Variants in CDK14 observed in about 807,000 individuals in gnomAD.
The protein encoded by CDK14 is cyclin dependent kinase 14.
CDK14 carries 34 observed loss-of-function variants against 60.7 expected under a neutral mutation model. That is an observed-to-expected ratio of 0.56 (90% confidence interval 0.43 to 0.75). The LOEUF is 0.75. Among genes scored for constraint, CDK14 ranks in the 30% least tolerant of loss-of-function variants. The pLI is 0.00. For missense variants in CDK14, 482 were observed against 564.1 expected (o/e 0.85, Z 1.47); for synonymous variants, 197 against 203.7 (o/e 0.97, Z 0.28).
At chr7:90,930,392 T>G (rs933084064) in intron 8 of CDK14, among the ~76,000 whole-genome samples, 2 of 152,184 alleles carry the variant, frequency 1.3e-5, no homozygotes, top group Admixed American at 6.5e-5. Flanking sequence ...TGGCTATAGA[T>G]AGCAAAGGGA....
chr7:90,820,859 C>T (rs1274755711), intron 5 of CDK14, among the ~76,000 whole-genome samples: 1 of 152,176 alleles, frequency 6.6e-6, no homozygotes, highest in African/African-American at 2.4e-5. Flanking sequence ...TGCTCCAGAC[C>T]ACGTATCCCA....
At chr7:90,772,848 T>C (rs566487214) in intron 4 of CDK14, among the ~76,000 whole-genome samples, 24 of 152,300 alleles carry the variant, frequency 1.6e-4, no homozygotes, top group African/African-American at 5.1e-4. Flanking sequence ...GCGAAATAGA[T>C]GACCAATTAT....
intron 5 of CDK14, among the ~76,000 whole-genome samples, chr7:90,853,351 A>C (rs1387436090): frequency 6.6e-6 from 1 of 152,092 alleles, no homozygotes; most frequent in African/African-American, 2.4e-5. Context: ...CAAGACTATC[A>C]CTTTCAGTAG....
chr7:90,786,255 C>T (rs6962402), intron 4 of CDK14, among the ~76,000 whole-genome samples: 66,151 of 152,004 alleles, frequency 0.44, 15,197 homozygotes, highest in East Asian at 0.82. Context: ...AATATTAGCA[C>T]AATTTAGAGC....
intron 5 of CDK14, among the ~76,000 whole-genome samples, chr7:90,852,259 A>T (rs1021663999): frequency 1.3e-5 from 2 of 152,152 alleles, no homozygotes; most frequent in Admixed American, 1.3e-4. Context: ...GAGATTTAGG[A>T]TGTCTTTATT....
At chr7:90,713,253 A>G (rs1802128661) in intron 2 of CDK14, among the ~76,000 whole-genome samples, 1 of 152,028 alleles carries the variant, frequency 6.6e-6, no homozygotes, top group Non-Finnish European at 1.5e-5. Flanking sequence ...AGTGCTGTTC[A>G]TTTATTTTCT....
chr7:90,639,976 C>T lies in CDK14; in HGVS notation c.123+35727C>T, dbSNP rs111442726. Among the ~76,000 whole-genome samples, 38 of 152,230 alleles carry T rather than the reference C, an allele frequency of 2.5e-4. 1 individual carries two copies. The highest frequency in any genetic ancestry group is 3.4e-4 in the Non-Finnish European group (23 of 68,030). ...CCGGTTTTTAAGCCCGTAGGAAAAG[C>T]GCAGTATTCGGGTGGGAGAGGCCTG... On this transcript the variant is annotated intron_variant, in intron 2 of 14. Transcript: ENST00000380050.
chr7:90,629,161 T>C (rs572490505), intron 2 of CDK14, among the ~76,000 whole-genome samples: 1 of 152,298 alleles, frequency 6.6e-6, no homozygotes, highest in South Asian at 2.1e-4. Flanking sequence ...TTATTAATAT[T>C]TTTAAATGAC....
intron 6 of CDK14, among the ~76,000 whole-genome samples, chr7:90,879,745 A>G (rs1175122459): frequency 6.6e-6 from 1 of 152,040 alleles, no homozygotes; most frequent in Non-Finnish European, 1.5e-5. Context: ...AAGTATAATG[A>G]TAAAAAATAA....
At chr7:91,115,382 T>C (rs1799576765) in intron 13 of CDK14, among the ~76,000 whole-genome samples, 1 of 152,148 alleles carries the variant, frequency 6.6e-6, no homozygotes, top group South Asian at 2.1e-4. Context: ...GAGAGCAATC[T>C]CTTCCTCTTC....
In CDK14 at chr7:90,684,901, C is replaced by CAT. The variant is rs201176487; in HGVS notation, c.124-41655_124-41654dup. 7.0e-3 allele frequency among the ~76,000 whole-genome samples: 1,053 copies of CAT among 151,220 alleles called. 10 individuals carry two copies. Among genetic ancestry groups the CAT allele is most frequent in the African/African-American group, 0.023 (947 of 41,204 alleles). ...GCTAGGGGCAGTAATCTTTGCCTTT[C>CAT]ATATATATATATTCATATTTTCATA... is the stretch of plus-strand genomic sequence containing the variant. On this transcript the variant is annotated intron_variant, in intron 2 of 14. Coordinates refer to ENST00000380050, the MANE Select transcript of CDK14 (RefSeq NM_001287135.2).
intron 14 of CDK14, among the ~76,000 whole-genome samples, chr7:91,165,476 TG>T (rs148357907): frequency 0.034 from 5,202 of 151,246 alleles, 159 homozygotes; most frequent in Admixed American, 0.084. Context: ...GGTTCCCTTT[TG>T]TGGAATGAGG....
intron 14 of CDK14, among the ~76,000 whole-genome samples, chr7:91,141,799 T>TTGTTG (rs1800469837): frequency 6.7e-6 from 1 of 149,976 alleles, no homozygotes; most frequent in East Asian, 2.0e-4. Context: ...AACAGTGGGT[T>TTGTTG]TTGTTGTTGT....
chr7:90,744,588 C>G (rs546485603), intron 3 of CDK14, among the ~76,000 whole-genome samples: 1 of 151,162 alleles, frequency 6.6e-6, no homozygotes, highest in South Asian at 2.1e-4. Context: ...TAGGGGCGGC[C>G]GGGCAGAAGC....
intron 10 of CDK14, among the ~76,000 whole-genome samples, chr7:91,022,005 A>G (rs957841062): frequency 1.3e-5 from 2 of 152,154 alleles, no homozygotes; most frequent in African/African-American, 4.8e-5. Flanking sequence ...AGAAGCCCAC[A>G]AAGAGGGGGC....
At chr7:90,874,864 A>G (rs939320308) in intron 6 of CDK14, among the ~76,000 whole-genome samples, 1 of 152,130 alleles carries the variant, frequency 6.6e-6, no homozygotes, top group Admixed American at 6.5e-5. Flanking sequence ...CAGTAGCTTT[A>G]TTACGATACA....
chr7:91,135,217 G>C (rs1800242158), intron 14 of CDK14, among the ~76,000 whole-genome samples: 1 of 151,970 alleles, frequency 6.6e-6, no homozygotes, highest in African/African-American at 2.4e-5. Flanking sequence ...GGGACAGAGG[G>C]TTGGGGGTGA....
chr7:90,663,829 A>G (rs1411245867), intron 2 of CDK14, among the ~76,000 whole-genome samples: 1 of 152,196 alleles, frequency 6.6e-6, no homozygotes, highest in Non-Finnish European at 1.5e-5. Context: ...TGAAAGTAAT[A>G]TTTTCTAATA....
At chr7:90,971,399 A>G (rs1405233596) in intron 9 of CDK14, among the ~76,000 whole-genome samples, 1 of 152,086 alleles carries the variant, frequency 6.6e-6, no homozygotes, top group East Asian at 1.9e-4. Flanking sequence ...ACCCGGTGGT[A>G]ATTACTCTGC....
Sources: gnomAD v4.1 joint callset for allele counts (sites outside exome capture counted in the v4.1 genomes callset) on GRCh38, gnomAD v4.1.1 for gene constraint, MANE v1.5 for transcripts, NCBI Gene and HGNC (gene_info 2026-07-23, HGNC 2026-07-21) for gene names.